Variants in CHRM3 observed in about 807,000 individuals in gnomAD.
The protein encoded by CHRM3 is muscarinic acetylcholine receptor M3.
Under a neutral mutation model 41.8 loss-of-function variants are expected in CHRM3, and 11 were observed. The ratio of observed to expected loss-of-function variants is 0.26; its 90% confidence interval spans 0.17 to 0.44. CHRM3 has a LOEUF of 0.44. Ranked by LOEUF, CHRM3 falls within the 20% of genes least tolerant of loss-of-function variation. CHRM3 has a pLI of 1.00. For missense variants in CHRM3, 571 were observed against 745.4 expected (o/e 0.77, Z 2.72); for synonymous variants, 297 against 301.4 (o/e 0.99, Z 0.15).
At chr1:239,499,664 C>T (rs531061908) in intron 2 of CHRM3, among the ~76,000 whole-genome samples, 1 of 152,218 alleles carries the variant, frequency 6.6e-6, no homozygotes, top group Admixed American at 6.5e-5. Flanking sequence ...CACTTAGGCA[C>T]ATTGTCATCA....
intron 3 of CHRM3, among the ~76,000 whole-genome samples, chr1:239,597,987 G>A (rs546661185): frequency 2.2e-4 from 33 of 151,484 alleles, no homozygotes; most frequent in Non-Finnish European, 4.1e-4. Context: ...AAGTTCTAGC[G>A]AGACTTGACT....
chr1:239,640,068 G>C (rs1383394964), intron 4 of CHRM3, among the ~76,000 whole-genome samples: 1 of 152,062 alleles, frequency 6.6e-6, no homozygotes, highest in Non-Finnish European at 1.5e-5. Flanking sequence ...GGATTACCTT[G>C]ATTGATTTGC....
intron 2 of CHRM3, among the ~76,000 whole-genome samples, chr1:239,535,731 G>T (rs914290789): frequency 5.9e-5 from 9 of 151,912 alleles, no homozygotes; most frequent in African/African-American, 2.2e-4. Flanking sequence ...ACCTGAAACT[G>T]CTCTTGAAAC....
At chr1:239,714,269 A>G (rs1662116678) in intron 5 of CHRM3, 1 of 152,228 alleles carries the variant, frequency 6.6e-6, no homozygotes. Context: ...CGTCATCTAA[A>G]GAGAGAAACA....
rs1313207760 is a variant in CHRM3 at position 239,769,113 on chromosome 1, TC to T, written c.-146-58138del. 1.5e-4 allele frequency among the ~76,000 whole-genome samples: 23 copies of T among 152,124 alleles called. No individual in the cohort carries two copies. In the East Asian group the frequency reaches 4.5e-3, roughly 29 times the overall value. ...AATATGTTCTGCATGATTTTGCACA[TC>T]TATGCCAGGAATTTCTTCTTTCATT... On this transcript the variant is annotated intron_variant, in intron 5 of 6. Transcript: ENST00000676153.
At chr1:239,818,695 T>G (rs1289160106) in intron 5 of CHRM3, among the ~76,000 whole-genome samples, 1 of 152,202 alleles carries the variant, frequency 6.6e-6, no homozygotes, top group African/African-American at 2.4e-5. Context: ...TTATTTGCAA[T>G]TCTAGAATTA....
chr1:239,851,049 A>G (rs1412169952), intron 6 of CHRM3, among the ~76,000 whole-genome samples: 1 of 152,174 alleles, frequency 6.6e-6, no homozygotes, highest in Non-Finnish European at 1.5e-5. Context: ...AAGCTACAGA[A>G]AAAATGAGAA....
chr1:239,485,562 G>A (rs1667134918), intron 1 of CHRM3, among the ~76,000 whole-genome samples: 1 of 152,118 alleles, frequency 6.6e-6, no homozygotes, highest in South Asian at 2.1e-4. Context: ...TTACAGGCAT[G>A]AGCCACCACA....
At chr1:239,599,368 T>C (rs1305047499) in intron 3 of CHRM3, among the ~76,000 whole-genome samples, 1 of 152,040 alleles carries the variant, frequency 6.6e-6, no homozygotes, top group African/African-American at 2.4e-5. Flanking sequence ...GCTTTTCTTC[T>C]ATTCTTGGAT....
intron 5 of CHRM3, among the ~76,000 whole-genome samples, chr1:239,697,234 C>A (rs562417810): frequency 5.5e-4 from 84 of 152,206 alleles, no homozygotes; most frequent in African/African-American, 1.9e-3. Flanking sequence ...GCAGGTCTTT[C>A]CCATGCTGTT....
intron 4 of CHRM3, among the ~76,000 whole-genome samples, chr1:239,651,376 T>C (rs1672224778): frequency 6.6e-6 from 1 of 152,202 alleles, no homozygotes; most frequent in East Asian, 1.9e-4. Context: ...TCTTTAAATA[T>C]TACCCAAAAC....
intron 2 of CHRM3, among the ~76,000 whole-genome samples, chr1:239,510,957 T>C (rs531040019): frequency 6.6e-6 from 1 of 152,228 alleles, no homozygotes; most frequent in Admixed American, 6.5e-5. Context: ...GATAGAATAG[T>C]CTAAAAGAAC....
intron 5 of CHRM3, among the ~76,000 whole-genome samples, chr1:239,758,025 A>G (rs1208968214): frequency 1.3e-5 from 2 of 152,212 alleles, no homozygotes; most frequent in African/African-American, 4.8e-5. Flanking sequence ...AAAGAAAACA[A>G]TGCTAGATCT....
At chr1:239,525,544 A>G in intron 2 of CHRM3, among the ~76,000 whole-genome samples, 1 of 152,182 alleles carries the variant, frequency 6.6e-6, no homozygotes, top group East Asian at 1.9e-4. Context: ...CTGATCCCAA[A>G]GTTCAGCAGA....
intron 1 of CHRM3, among the ~76,000 whole-genome samples, chr1:239,398,564 T>C (rs1270635091): frequency 6.6e-6 from 1 of 152,188 alleles, no homozygotes; most frequent in Non-Finnish European, 1.5e-5. Context: ...CTACATCTTC[T>C]ATCAAACCCC....
In CHRM3 at chr1:239,394,986, T is replaced by G. The variant is rs1394598520; in HGVS notation, c.-521+7759T>G. On this transcript the variant is annotated intron_variant, in intron 1 of 6. Transcript: ENST00000676153. ...ACTCCTCTCATCCACCTTCATGAGG[T>G]TTATAGCAATGACTTCTCCAAAAGT... Among the ~76,000 whole-genome samples the G allele has an allele frequency of 3.3e-5, 5 of 152,112 alleles. 1 individual carries two copies. Among genetic ancestry groups the G allele is most frequent in the Admixed American group, 3.3e-4 (5 of 15,262 alleles).
intron 1 of CHRM3, among the ~76,000 whole-genome samples, chr1:239,405,692 A>G (rs1660539311): frequency 6.6e-6 from 1 of 152,180 alleles, no homozygotes; most frequent in Admixed American, 6.5e-5. Flanking sequence ...TTGTGTGTCC[A>G]ATGAGCGGGT....
intron 1 of CHRM3, among the ~76,000 whole-genome samples, chr1:239,411,350 A>G (rs2103043341): frequency 6.6e-6 from 1 of 152,280 alleles, no homozygotes; most frequent in Admixed American, 6.5e-5. Context: ...TTTACTTAAC[A>G]TGTAGCTTAT....
intron 6 of CHRM3, among the ~76,000 whole-genome samples, chr1:239,900,956 T>C (rs1417157098): frequency 6.6e-6 from 1 of 152,184 alleles, no homozygotes; most frequent in East Asian, 1.9e-4. Context: ...ACTTAGCAGC[T>C]TACAACAAGG....
Sources: allele counts gnomAD v4.1 joint callset (sites outside exome capture counted in the v4.1 genomes callset), GRCh38; gene constraint gnomAD v4.1.1; transcripts MANE v1.5; gene names NCBI Gene and HGNC (gene_info 2026-07-23, HGNC 2026-07-21).